SCTR: variants seen among roughly 807,000 people sequenced by gnomAD.
The protein encoded by SCTR is pancreatic secretin receptor.
Under a neutral mutation model 60.8 loss-of-function variants are expected in SCTR, and 56 were observed. The ratio of observed to expected loss-of-function variants is 0.92; its 90% CI spans 0.74 to 1.15. The LOEUF is 1.15. SCTR is among the 50% of genes most tolerant of loss of function. SCTR has a pLI of 0.00. For missense variants in SCTR, 562 were observed against 550.4 expected (o/e 1.02, Z -0.21); for synonymous variants, 202 against 217.0 (o/e 0.93, Z 0.61).
At chr2:119,469,317 G>A (rs1345471108) in intron 4 of SCTR, among the ~76,000 whole-genome samples, 1 of 152,182 alleles carries the variant, frequency 6.6e-6, no homozygotes, top group Non-Finnish European at 1.5e-5. Flanking sequence ...GACAAGGGGG[G>A]TGTCATGCAG....
At chr2:119,492,812 T>C (rs1296482348) in intron 2 of SCTR, among the ~76,000 whole-genome samples, 2 of 150,598 alleles carry the variant, frequency 1.3e-5, no homozygotes, top group African/African-American at 4.9e-5. Context: ...TACAGTGTGT[T>C]CCTTTATTTT....
chr2:119,524,012 T>C lies in SCTR; in HGVS notation c.72+143A>G, dbSNP rs568886405. On this transcript the variant is annotated intron_variant, in intron 1 of 12. Coordinates refer to ENST00000019103, the MANE Select transcript of SCTR (RefSeq NM_002980.3). ...GAGAAGAGCTGGGAGAGATTAATGT[T>C]GGGAGGATTGGGAGGGAAGAGTCCC... The C allele has an allele frequency of 5.9e-5, 39 of 662,116 alleles. No homozygotes were observed. In the African/African-American group the frequency reaches 6.9e-4, roughly 12 times the overall value. 41.0% of individuals were successfully genotyped at this position (662,116 alleles called of 1,614,324 possible).
At chr2:119,523,916 C>G (rs1401281845) in intron 1 of SCTR, among the ~76,000 whole-genome samples, 1 of 152,130 alleles carries the variant, frequency 6.6e-6, no homozygotes, top group Admixed American at 6.5e-5. Context: ...CGGTGGTGGG[C>G]ACAGGGATTC....
chr2:119,461,788 C>G, intron 7 of SCTR, 59 bp downstream of exon 7: 1 of 1,444,284 alleles, frequency 6.9e-7, no homozygotes, highest in Non-Finnish European at 9.4e-7. Context: ...CCCTCCGACT[C>G]TCGACTCAGC....
intron 11 of SCTR, among the ~76,000 whole-genome samples, chr2:119,446,388 C>T (rs1282234327): frequency 6.6e-6 from 1 of 152,156 alleles, no homozygotes; most frequent in Non-Finnish European, 1.5e-5. Flanking sequence ...TCCAAACACC[C>T]GCCCCACGCT....
At chr2:119,469,380 C>A (rs575282475) in intron 4 of SCTR, among the ~76,000 whole-genome samples, 1 of 152,122 alleles carries the variant, frequency 6.6e-6, no homozygotes, top group Non-Finnish European at 1.5e-5. Flanking sequence ...GTGACCAGCC[C>A]GCTTCTCATG....
intron 4 of SCTR, among the ~76,000 whole-genome samples, chr2:119,467,942 AT>A (rs1488345182): frequency 1.3e-5 from 2 of 152,360 alleles, no homozygotes; most frequent in East Asian, 3.9e-4. Flanking sequence ...AATTTTTAAA[AT>A]AAATAAATTT....
Position 119,478,855 on chromosome 2 carries a change from T to G in SCTR, c.257A>C (p.Glu86Ala), listed in dbSNP as rs1468904858. 6 of 1,613,980 alleles carry G rather than the reference T, an allele frequency of 3.7e-6. No individual in the cohort carries two copies. In the Admixed American group the frequency reaches 6.7e-5, roughly 18 times the overall value. The change falls in exon 3 of 13, where the codon GAG becomes GCG. Residue 86 changes from glutamate (E) to alanine (A), a missense_variant. Physicochemically the swap from Glu to Ala is moderately radical, Grantham distance 107. Transcript: ENST00000019103. ...CCGGAGGAATCTCGGGCATTCCACC[T>G]CCACCATCCGGCCCGGCACAGAAGA... The part of the protein sequence containing the change: ...WPSSVPGRMV[E>A]VECPRFLRML...
At chr2:119,517,967 G>T (rs556971079) in intron 1 of SCTR, among the ~76,000 whole-genome samples, 4 of 152,264 alleles carry the variant, frequency 2.6e-5, no homozygotes, top group African/African-American at 9.6e-5. Context: ...ATAGGGCCCT[G>T]ATCCTATAGG....
intron 7 of SCTR, among the ~76,000 whole-genome samples, chr2:119,456,008 C>T (rs149568902): frequency 6.6e-6 from 1 of 150,466 alleles, no homozygotes; most frequent in East Asian, 2.0e-4. Context: ...CATCCCATAA[C>T]ACTGATGCCA....
At chr2:119,502,318 C>A (rs1463802088) in intron 1 of SCTR, among the ~76,000 whole-genome samples, 1 of 152,056 alleles carries the variant, frequency 6.6e-6, no homozygotes, top group Non-Finnish European at 1.5e-5. Context: ...ATAAATCCAG[C>A]AAAACATGTG....
intron 4 of SCTR, among the ~76,000 whole-genome samples, chr2:119,472,917 C>T (rs1264923332): frequency 2.0e-5 from 3 of 152,214 alleles, no homozygotes; most frequent in Admixed American, 6.5e-5. Context: ...TAAGCCGCCA[C>T]ACCCGGCCAA....
chr2:119,444,416 CCCATATACGTATGAATAT>C (rs2104753724), intron 11 of SCTR, among the ~76,000 whole-genome samples: 1 of 95,944 alleles, frequency 1.0e-5, no homozygotes, highest in South Asian at 3.4e-4. Flanking sequence ...AATATATATA[CCCATATACGTATGAATAT>C]ACACATATAT....
At chr2:119,480,411 C>G (rs1032516460) in intron 2 of SCTR, among the ~76,000 whole-genome samples, 1 of 152,276 alleles carries the variant, frequency 6.6e-6, no homozygotes, top group South Asian at 2.1e-4. Context: ...TTCACTATCA[C>G]GAGAACAGCA....
At position 119,464,202 on chromosome 2, in the gene SCTR, A is replaced by T. The variant is rs1403274203; in HGVS notation, c.557T>A (p.Ile186Asn). The change falls in exon 6 of 13, where the codon ATC becomes AAC. Residue 186 changes from isoleucine (I) to asparagine (N), a missense_variant. Transcript: ENST00000019103. Reference sequence around the variant, plus strand: ...GATGAAGTTGGACAGGGCACGAAGGATGAAGGACACGAACAGGTGCATGTG... The same window carrying T: ...GATGAAGTTGGACAGGGCACGAAGGTTGAAGGACACGAACAGGTGCATGTG... The part of the protein sequence containing the change: ...YIHMHLFVSF[I>N]LRALSNFIKD... 1 of 1,614,190 alleles carries T rather than the reference A, an allele frequency of 6.2e-7. No homozygotes were observed. Among genetic ancestry groups the T allele is most frequent in the East Asian group, 2.2e-5 (1 of 44,882 alleles).
At chr2:119,508,344 TTTTCTTTTTCTTTC>T (rs1366149897) in intron 1 of SCTR, among the ~76,000 whole-genome samples, 2 of 151,310 alleles carry the variant, frequency 1.3e-5, no homozygotes, top group African/African-American at 4.9e-5. Context: ...TTTCTAAAAA[TTTTCTTTTTCTTTC>T]TTTCTTTTTC....
At chr2:119,457,582 A>G (rs545325120) in intron 7 of SCTR, among the ~76,000 whole-genome samples, 2 of 152,254 alleles carry the variant, frequency 1.3e-5, no homozygotes, top group African/African-American at 4.8e-5. Flanking sequence ...ATGTGGTGGC[A>G]TGCACCTGTA....
chr2:119,472,826 T>C (rs1677082210), intron 4 of SCTR, among the ~76,000 whole-genome samples: 2 of 152,094 alleles, frequency 1.3e-5, no homozygotes, highest in African/African-American at 4.8e-5. Flanking sequence ...ACATTTTTTG[T>C]AGATCCAATG....
intron 1 of SCTR, among the ~76,000 whole-genome samples, chr2:119,515,874 G>A (rs970391863): frequency 3.9e-5 from 6 of 152,222 alleles, no homozygotes; most frequent in African/African-American, 1.4e-4. Context: ...ACTATTCATA[G>A]TATCTCTTCT....
Sources: gnomAD v4.1 joint callset for allele counts (sites outside exome capture counted in the v4.1 genomes callset) on GRCh38, gnomAD v4.1.1 for gene constraint, MANE v1.5 for transcripts, NCBI Gene and HGNC (gene_info 2026-07-23, HGNC 2026-07-21) for gene names.